The following GMDS variants were observed in gnomAD, a reference collection of about 807,000 sequenced individuals.
The protein encoded by GMDS is GDP-mannose 4,6 dehydratase.
In GMDS, 20 loss-of-function variants were observed where a neutral mutation model predicts 49.9. The observed-to-expected ratio is 0.40, with a 90% CI of 0.28 to 0.58. GMDS has a LOEUF of 0.58. Among genes scored for constraint, GMDS ranks in the 20% least tolerant of loss-of-function variants. GMDS has a pLI of 0.42. For synonymous variants in GMDS, 177 were observed against 178.6 expected (o/e 0.99, Z 0.07); for missense variants, 362 against 481.4 (o/e 0.75, Z 2.32).
At chr6:1,871,845 T>C (rs1416215756) in intron 7 of GMDS, among the ~76,000 whole-genome samples, 2 of 152,238 alleles carry the variant, frequency 1.3e-5, no homozygotes, top group Non-Finnish European at 2.9e-5. Context: ...CACGGCAAGT[T>C]ACTTGCCTTC....
chr6:1,732,563 G>A (rs956793001), intron 8 of GMDS, among the ~76,000 whole-genome samples: 1 of 152,168 alleles, frequency 6.6e-6, no homozygotes, highest in Admixed American at 6.5e-5. Context: ...AATCAGTAAC[G>A]ACATGTTATT....
intron 7 of GMDS, among the ~76,000 whole-genome samples, chr6:1,859,031 G>A (rs1378146467): frequency 1.3e-5 from 2 of 152,152 alleles, no homozygotes; most frequent in African/African-American, 2.4e-5. Flanking sequence ...GGTCTGAGGT[G>A]ACGCAGTCTG....
intron 9 of GMDS, among the ~76,000 whole-genome samples, chr6:1,710,546 A>C (rs904598662): frequency 4.6e-5 from 7 of 152,134 alleles, no homozygotes; most frequent in African/African-American, 1.7e-4. Flanking sequence ...CACCAAAAAC[A>C]ACCAAAACAC....
intron 8 of GMDS, among the ~76,000 whole-genome samples, chr6:1,740,796 C>G (rs995621386): frequency 6.6e-6 from 1 of 151,966 alleles, no homozygotes; most frequent in Admixed American, 6.6e-5. Context: ...CTTCTTGCTT[C>G]CTATCTATAT....
intron 4 of GMDS, among the ~76,000 whole-genome samples, chr6:2,036,739 T>C (rs554680237): frequency 1.3e-5 from 2 of 152,340 alleles, no homozygotes; most frequent in East Asian, 1.9e-4. Flanking sequence ...AAGCATATTC[T>C]ATGGGAAAAG....
chr6:1,736,420 T>C (rs193198526), intron 8 of GMDS, among the ~76,000 whole-genome samples: 41 of 152,336 alleles, frequency 2.7e-4, no homozygotes, highest in Middle Eastern at 6.8e-3. Flanking sequence ...AACCTCTTTA[T>C]GATGACCAAA....
chr6:1,942,643 C>T (rs537355573), intron 6 of GMDS, among the ~76,000 whole-genome samples: 2 of 152,234 alleles, frequency 1.3e-5, no homozygotes, highest in African/African-American at 4.8e-5. Context: ...AAAAACTGGA[C>T]TGAAAAGATG....
intron 1 of GMDS, among the ~76,000 whole-genome samples, chr6:2,153,991 A>T (rs1217401181): frequency 6.6e-5 from 10 of 152,154 alleles, no homozygotes; most frequent in Admixed American, 6.5e-5. Flanking sequence ...GACCAGAGAG[A>T]CTTTATATAC....
chr6:2,017,453 C>T (rs949603620), intron 4 of GMDS, among the ~76,000 whole-genome samples: 2 of 152,042 alleles, frequency 1.3e-5, no homozygotes, highest in African/African-American at 4.8e-5. Context: ...GGATTACAGG[C>T]GCGTGCCACT....
rs1403274959 is a variant in GMDS at position 1,728,945 on chromosome 6, TA to T, written c.891-2434del. On this transcript the variant is annotated intron_variant, in intron 8 of 10. Coordinates refer to ENST00000380815, the MANE Select transcript of GMDS (RefSeq NM_001500.4). ...AAACCTGTCCTTACCTCCAGGACAG[TA>T]AAAAAAAAAAACAAAAAACAAAAAA... 2.0e-3 allele frequency among the ~76,000 whole-genome samples: 275 copies of T among 135,548 alleles called. 1 individual carries two copies. The highest frequency in any genetic ancestry group is 4.6e-3 in the African/African-American group (172 of 36,998). The allele number at this position is 135,548 out of a possible 152,430, so 88.9% of individuals were successfully genotyped here.
At chr6:1,831,140 T>C (rs1375876643) in intron 7 of GMDS, among the ~76,000 whole-genome samples, 6 of 152,232 alleles carry the variant, frequency 3.9e-5, no homozygotes, top group African/African-American at 1.4e-4. Flanking sequence ...TTACTGCCAT[T>C]ATAGGATTAA....
At chr6:2,214,357 C>T (rs545756354) in intron 1 of GMDS, among the ~76,000 whole-genome samples, 1 of 152,252 alleles carries the variant, frequency 6.6e-6, no homozygotes, top group Non-Finnish European at 1.5e-5. Context: ...ATTCAACCAA[C>T]TGCAGATCAA....
intron 1 of GMDS, among the ~76,000 whole-genome samples, chr6:2,233,351 C>T (rs1369134090): frequency 6.6e-6 from 1 of 152,218 alleles, no homozygotes; most frequent in Non-Finnish European, 1.5e-5. Context: ...CCACTATCCA[C>T]CCTAAGGAAG....
chr6:1,887,277 A>G (rs1395094723), intron 7 of GMDS, among the ~76,000 whole-genome samples: 1 of 113,726 alleles, frequency 8.8e-6, no homozygotes, highest in Non-Finnish European at 2.3e-5. Flanking sequence ...AGCTGGTAAA[A>G]GGCAGTGCTG....
intron 7 of GMDS, among the ~76,000 whole-genome samples, chr6:1,850,588 TA>T (rs545191257): frequency 1.3e-5 from 2 of 151,900 alleles, no homozygotes; most frequent in South Asian, 2.1e-4. Flanking sequence ...AACATGAGAT[TA>T]AAAAAAAGTC....
chr6:2,138,308 C>CT (rs982409002), intron 1 of GMDS, among the ~76,000 whole-genome samples: 1 of 152,112 alleles, frequency 6.6e-6, no homozygotes. Flanking sequence ...TGAAAAATAT[C>CT]TTTAAGTTTT....
At chr6:2,208,239 C>T (rs1025391691) in intron 1 of GMDS, among the ~76,000 whole-genome samples, 3 of 152,152 alleles carry the variant, frequency 2.0e-5, no homozygotes, top group Admixed American at 6.5e-5. Flanking sequence ...TACGCCATCA[C>T]CCAAAACTGC....
Position 1,820,292 on chromosome 6 carries a change from T to C in GMDS, c.772-77706A>G, listed in dbSNP as rs566791912. ...AAAGAATGCTTTGGTAGTAAAAACATACACACAAAAAGCACTGGATTTCAC... is the reference window on the plus strand; with the variant it reads ...AAAGAATGCTTTGGTAGTAAAAACACACACACAAAAAGCACTGGATTTCAC... On this transcript the variant is annotated intron_variant, in intron 7 of 10. Coordinates refer to ENST00000380815, the MANE Select transcript of GMDS (RefSeq NM_001500.4). 7.2e-5 allele frequency among the ~76,000 whole-genome samples: 11 copies of C among 152,264 alleles called. No individual in the cohort carries two copies. The South Asian group carries it at 2.3e-3, about 32-fold the overall frequency.
At chr6:1,819,776 A>AAAAAAT (rs1446275838) in intron 7 of GMDS, among the ~76,000 whole-genome samples, 1 of 103,544 alleles carries the variant, frequency 9.7e-6, no homozygotes, top group African/African-American at 3.6e-5. Flanking sequence ...AAAAAAAAAA[A>AAAAAAT]ATATATATAT....
Sources: allele counts gnomAD v4.1 joint callset (sites outside exome capture counted in the v4.1 genomes callset), GRCh38; gene constraint gnomAD v4.1.1; transcripts MANE v1.5; gene names NCBI Gene and HGNC (gene_info 2026-07-23, HGNC 2026-07-21).